Variants in NALF1 observed in about 807,000 individuals in gnomAD.
NALF1 encodes NALCN channel auxiliary factor 1.
Under a neutral mutation model 48.4 loss-of-function variants are expected in NALF1, and 3 were observed. The ratio of observed to expected loss-of-function variants is 0.06; its 90% CI spans 0.03 to 0.16. The LOEUF (loss-of-function observed/expected upper bound fraction) is 0.16, where lower values mean the gene tolerates loss of function less well. Ranked by LOEUF, NALF1 falls within the 10% of genes least tolerant of loss-of-function variation. The probability of loss-of-function intolerance (pLI) is 1.00; values close to 1 mark genes in which losing one functional copy is unlikely to be tolerated. For missense variants in NALF1, 526 were observed against 571.5 expected, an observed-to-expected ratio of 0.92 and a Z score of 0.81; for synonymous variants, 262 against 245.7, an observed-to-expected ratio of 1.07 and a Z score of -0.62.
chr13:107,517,856 G>A (rs530364926), intron 1 of NALF1, among the ~76,000 whole-genome samples: 7 of 151,874 alleles, frequency 4.6e-5, no homozygotes, highest in Admixed American at 2.6e-4. Context: ...TCAGGGCTGA[G>A]GCGGAGAATC....
rs192404674 is a variant in NALF1, at chr13:107,238,657, C to G, written c.916-27902G>C. ...AGGAAATTAAGAAGAAAAGGGCTTT[C>G]CAGGCAGACAGTACAAAAGCAACAA... On this transcript the variant is annotated intron_variant, in intron 1 of 2. Transcript: ENST00000375915. Among the ~76,000 whole-genome samples the G allele has an allele frequency of 2.6e-5, 4 of 152,266 alleles. No individual in the cohort carries two copies. The East Asian group carries it at 7.7e-4, about 29-fold the overall frequency.
At chr13:107,590,127 T>A in intron 1 of NALF1, among the ~76,000 whole-genome samples, 1 of 152,004 alleles carries the variant, frequency 6.6e-6, no homozygotes, top group Non-Finnish European at 1.5e-5. Context: ...ACCACCATCA[T>A]AAAGTTAGAA....
chr13:107,349,791 G>A (rs1433993907), intron 1 of NALF1, among the ~76,000 whole-genome samples: 1 of 150,426 alleles, frequency 6.6e-6, no homozygotes, highest in Non-Finnish European at 1.5e-5. Flanking sequence ...CTCCGTGCAA[G>A]ATAGCCATAA....
chr13:107,706,261 A>T (rs1881944378), intron 1 of NALF1, among the ~76,000 whole-genome samples: 1 of 152,216 alleles, frequency 6.6e-6, no homozygotes, highest in African/African-American at 2.4e-5. Flanking sequence ...GTCAATTATT[A>T]GTCAAAAATG....
At chr13:107,302,234 A>C (rs556451832) in intron 1 of NALF1, among the ~76,000 whole-genome samples, 13 of 152,342 alleles carry the variant, frequency 8.5e-5, no homozygotes, top group Middle Eastern at 3.4e-3. Context: ...GATTCCCACC[A>C]GACGCAGTCC....
At chr13:107,689,583 T>C (rs559741815) in intron 1 of NALF1, among the ~76,000 whole-genome samples, 24 of 152,272 alleles carry the variant, frequency 1.6e-4, no homozygotes, top group African/African-American at 5.5e-4. Flanking sequence ...AATAATAATA[T>C]TGAAATACTT....
intron 1 of NALF1, among the ~76,000 whole-genome samples, chr13:107,749,590 A>T (rs1594242854): frequency 6.6e-6 from 1 of 151,858 alleles, no homozygotes; most frequent in South Asian, 2.1e-4. Context: ...ATAATATACT[A>T]TGTAGTATAT....
At chr13:107,291,196 G>A (rs1881613683) in intron 1 of NALF1, among the ~76,000 whole-genome samples, 1 of 151,736 alleles carries the variant, frequency 6.6e-6, no homozygotes, top group Non-Finnish European at 1.5e-5. Context: ...TATTCTGGAA[G>A]TTGATTCTTT....
At chr13:107,244,154 G>C (rs1880531150) in intron 1 of NALF1, among the ~76,000 whole-genome samples, 1 of 152,158 alleles carries the variant, frequency 6.6e-6, no homozygotes, top group Non-Finnish European at 1.5e-5. Context: ...TTATTCTCCT[G>C]TTCATACTGA....
intron 1 of NALF1, among the ~76,000 whole-genome samples, chr13:107,808,630 G>C (rs963132721): frequency 5.3e-5 from 8 of 149,994 alleles, no homozygotes; most frequent in African/African-American, 1.7e-4. Context: ...TCCTATTTGC[G>C]CAACTTTTAG....
intron 1 of NALF1, among the ~76,000 whole-genome samples, chr13:107,360,891 T>C (rs1212743776): frequency 6.6e-6 from 1 of 152,146 alleles, no homozygotes; most frequent in Non-Finnish European, 1.5e-5. Context: ...TCTCTTGCCA[T>C]ATTTTTGGCT....
At chr13:107,615,148 TA>T (rs1594162585) in intron 1 of NALF1, among the ~76,000 whole-genome samples, 1 of 152,212 alleles carries the variant, frequency 6.6e-6, no homozygotes, top group Non-Finnish European at 1.5e-5. Flanking sequence ...TAAGTTGACA[TA>T]AACTTGACCT....
intron 1 of NALF1, among the ~76,000 whole-genome samples, chr13:107,391,406 C>T (rs934300332): frequency 1.3e-5 from 2 of 152,174 alleles, no homozygotes; most frequent in East Asian, 1.9e-4. Flanking sequence ...AATATTTAAC[C>T]CCCAAATACA....
chr13:107,804,617 C>T (rs908021417), intron 1 of NALF1, among the ~76,000 whole-genome samples: 4 of 152,142 alleles, frequency 2.6e-5, no homozygotes, highest in African/African-American at 9.6e-5. Flanking sequence ...CAGGTACTTG[C>T]ACTGAATGTG....
intron 1 of NALF1, among the ~76,000 whole-genome samples, chr13:107,300,046 G>A (rs1881809280): frequency 1.3e-5 from 2 of 152,132 alleles, no homozygotes; most frequent in Non-Finnish European, 2.9e-5. Flanking sequence ...TACTCCCTGG[G>A]AATTCCCCTA....
At chr13:107,333,701 G>C (rs1185320286) in intron 1 of NALF1, among the ~76,000 whole-genome samples, 1 of 152,180 alleles carries the variant, frequency 6.6e-6, no homozygotes, top group Admixed American at 6.5e-5. Flanking sequence ...TAAGGAGGTT[G>C]ATCCATAAAA....
At chr13:107,542,241 T>C (rs773872879) in intron 1 of NALF1, among the ~76,000 whole-genome samples, 1 of 152,032 alleles carries the variant, frequency 6.6e-6, no homozygotes, top group Non-Finnish European at 1.5e-5. Context: ...ATAAACCACA[T>C]ATTATATGAT....
chr13:107,582,030 T>C (rs1878326601), intron 1 of NALF1, among the ~76,000 whole-genome samples: 1 of 152,210 alleles, frequency 6.6e-6, no homozygotes, highest in Non-Finnish European at 1.5e-5. Context: ...TGTTTCATTC[T>C]ACATTCTTGT....
intron 1 of NALF1, among the ~76,000 whole-genome samples, chr13:107,724,709 G>C (rs754027120): frequency 3.3e-5 from 5 of 152,022 alleles, no homozygotes; most frequent in Non-Finnish European, 5.9e-5. Flanking sequence ...CTACAGACAT[G>C]CACCACCATG....
Sources: gnomAD v4.1 joint callset for allele counts (sites outside exome capture counted in the v4.1 genomes callset) on GRCh38, gnomAD v4.1.1 for gene constraint, MANE v1.5 for transcripts, NCBI Gene and HGNC (gene_info 2026-07-23, HGNC 2026-07-21) for gene names.